CTNNA3: variants seen among roughly 807,000 people sequenced by gnomAD.
The protein encoded by CTNNA3 is catenin alpha 3.
CTNNA3 carries 76 observed loss-of-function variants against 95.7 expected under a neutral mutation model. The ratio of observed to expected loss-of-function variants is 0.79; its 90% CI spans 0.66 to 0.96. The LOEUF is 0.96. CTNNA3 is among the 40% of genes least tolerant of loss of function. The pLI is 0.00. For synonymous variants in CTNNA3, 431 were observed against 374.4 expected (o/e 1.15, Z -1.74); for missense variants, 1,191 against 1,089.8 (o/e 1.09, Z -1.31).
intron 7 of CTNNA3, chr10:67,097,566 T>C (rs771974446): frequency 4.4e-6 from 7 of 1,606,220 alleles, no homozygotes; most frequent in Non-Finnish European, 6.0e-6. Flanking sequence ...AACTGACTTT[T>C]CTCATGTCAT....
chr10:66,063,128 G>A (rs2080236929), intron 15 of CTNNA3, among the ~76,000 whole-genome samples: 1 of 150,824 alleles, frequency 6.6e-6, no homozygotes, highest in African/African-American at 2.4e-5. Context: ...TGTAGACCCA[G>A]TCATTTCAAT....
intron 7 of CTNNA3, among the ~76,000 whole-genome samples, chr10:67,031,581 T>A (rs1172207797): frequency 6.6e-6 from 1 of 152,184 alleles, no homozygotes; most frequent in Non-Finnish European, 1.5e-5. Context: ...GAGGACATAA[T>A]GTAACAGCAC....
At position 65,918,947 on chromosome 10, in the gene CTNNA3, C is replaced by A. The variant is rs1052188414; in HGVS notation, c.*1383G>T. On this transcript the variant is annotated 3_prime_UTR_variant, in exon 18 of 18. Coordinates refer to ENST00000433211, the MANE Select transcript of CTNNA3 (RefSeq NM_013266.4). ...TTTTCTCATCAATCTAAGGTTACATCGTTGCTGAGACGCCTCTCATCAATG... is the reference window on the plus strand; with the variant it reads ...TTTTCTCATCAATCTAAGGTTACATAGTTGCTGAGACGCCTCTCATCAATG... The A allele has an allele frequency of 1.3e-5, 2 of 152,030 alleles. No homozygotes were observed. The highest frequency in any genetic ancestry group is 2.9e-5 in the Non-Finnish European group (2 of 67,988). 9.4% of individuals were successfully genotyped at this position (152,030 alleles called of 1,614,324 possible). A position where few individuals can be genotyped will look rare whatever the true frequency, so the allele number is the denominator to read the frequency against.
chr10:67,416,565 G>T (rs1845551545), intron 5 of CTNNA3, among the ~76,000 whole-genome samples: 1 of 132,838 alleles, frequency 7.5e-6, no homozygotes, highest in African/African-American at 2.9e-5. Flanking sequence ...CCGAGATCGC[G>T]CCACTGCACT....
intron 6 of CTNNA3, among the ~76,000 whole-genome samples, chr10:67,183,463 C>G (rs1181786573): frequency 3.3e-5 from 5 of 151,782 alleles, no homozygotes; most frequent in Non-Finnish European, 5.9e-5. Flanking sequence ...ACCGCATGCT[C>G]TCACTCATAG....
chr10:67,753,960 C>G (rs1200819479), intron 1 of CTNNA3, among the ~76,000 whole-genome samples: 2 of 152,244 alleles, frequency 1.3e-5, no homozygotes, highest in Non-Finnish European at 2.9e-5. Flanking sequence ...AATCCCATTA[C>G]TGGGTATATA....
intron 7 of CTNNA3, among the ~76,000 whole-genome samples, chr10:67,083,936 C>A (rs1003453200): frequency 1.3e-4 from 20 of 151,988 alleles, no homozygotes; most frequent in African/African-American, 4.8e-4. Flanking sequence ...CTAATCAGTT[C>A]TCTATTAGGA....
chr10:66,110,360 TAAA>T (rs35402161), intron 13 of CTNNA3, among the ~76,000 whole-genome samples: 5 of 104,872 alleles, frequency 4.8e-5, no homozygotes, highest in Admixed American at 2.2e-4. Flanking sequence ...AGACTCTGTC[TAAA>T]AAAAAAAAAA....
chr10:66,186,004 T>C (rs1015620294), intron 13 of CTNNA3, among the ~76,000 whole-genome samples: 4 of 151,924 alleles, frequency 2.6e-5, no homozygotes, highest in Admixed American at 2.6e-4. Context: ...TATAAAAATA[T>C]ATATGTTCAA....
At chr10:66,944,110 G>C (rs1848160308) in intron 7 of CTNNA3, among the ~76,000 whole-genome samples, 1 of 152,160 alleles carries the variant, frequency 6.6e-6, no homozygotes, top group Non-Finnish European at 1.5e-5. Flanking sequence ...ATAGCATATG[G>C]TGTTGATTGA....
intron 5 of CTNNA3, among the ~76,000 whole-genome samples, chr10:67,375,063 T>C (rs1216810293): frequency 6.6e-6 from 1 of 152,210 alleles, no homozygotes; most frequent in Non-Finnish European, 1.5e-5. Context: ...ATGCTATTTA[T>C]TATCCTGCCC....
chr10:67,688,612 G>T (rs1322290869), intron 1 of CTNNA3, among the ~76,000 whole-genome samples: 1 of 152,134 alleles, frequency 6.6e-6, no homozygotes, highest in African/African-American at 2.4e-5. Context: ...CCATAGTGCA[G>T]AAAAAAGTTA....
intron 16 of CTNNA3, among the ~76,000 whole-genome samples, chr10:65,988,211 G>T (rs2078467500): frequency 6.6e-6 from 1 of 152,052 alleles, no homozygotes; most frequent in Non-Finnish European, 1.5e-5. Context: ...AATGATAGAT[G>T]TTTGAGGAAT....
chr10:67,763,110 T>C (rs960231935), intron 1 of CTNNA3, among the ~76,000 whole-genome samples: 4 of 152,076 alleles, frequency 2.6e-5, no homozygotes, highest in Non-Finnish European at 5.9e-5. Flanking sequence ...AAGGACAAGA[T>C]TTAAAAAACA....
chr10:66,561,630 A>C (rs2132135592), intron 10 of CTNNA3, among the ~76,000 whole-genome samples: 1 of 152,182 alleles, frequency 6.6e-6, no homozygotes, highest in Non-Finnish European at 1.5e-5. Context: ...CAAGAGAGGA[A>C]GTTAAAGGAC....
intron 5 of CTNNA3, among the ~76,000 whole-genome samples, chr10:67,504,023 G>A (rs1839331360): frequency 6.6e-6 from 1 of 151,150 alleles, no homozygotes; most frequent in Non-Finnish European, 1.5e-5. Flanking sequence ...TGGGCATGGT[G>A]GTGGGTGCCT....
At position 66,920,132 on chromosome 10, in the gene CTNNA3, C is replaced by T. The variant is rs543049457; in HGVS notation, c.1048-144608G>A. Among the ~76,000 whole-genome samples the T allele has an allele frequency of 9.9e-5, 15 of 152,228 alleles. No individual in the cohort carries two copies. In the East Asian group the frequency reaches 2.9e-3, roughly 29 times the overall value. On this transcript the variant is annotated intron_variant, in intron 7 of 17. Transcript: ENST00000433211. ...TTAATATATGCTCATGGCCACAGAACCTATACAGAATCAAGGGAAAATTAA... is the reference window on the plus strand; with the variant it reads ...TTAATATATGCTCATGGCCACAGAATCTATACAGAATCAAGGGAAAATTAA...
In CTNNA3 at chr10:67,534,328, T is replaced by C. The variant is rs575748756; in HGVS notation, c.459+5175A>G. Among the ~76,000 whole-genome samples, 42 of 152,226 alleles carry C rather than the reference T, an allele frequency of 2.8e-4. 1 individual carries two copies. In the South Asian group the frequency reaches 8.1e-3, roughly 29 times the overall value. On this transcript the variant is annotated intron_variant, in intron 4 of 17. Coordinates refer to ENST00000433211, the MANE Select transcript of CTNNA3 (RefSeq NM_013266.4). Reference sequence around the variant, plus strand: ...TTCTTAGGAAGGGCACTACCTATACTGAAGAAAATACCTTAAGGAGTAATT... The same window carrying C: ...TTCTTAGGAAGGGCACTACCTATACCGAAGAAAATACCTTAAGGAGTAATT...
chr10:67,567,211 T>C (rs1841836611), intron 3 of CTNNA3, among the ~76,000 whole-genome samples: 1 of 151,144 alleles, frequency 6.6e-6, no homozygotes, highest in Non-Finnish European at 1.5e-5. Context: ...AACAACTATA[T>C]TTCCAATAAA....
Sources: gnomAD v4.1 joint callset for allele counts (sites outside exome capture counted in the v4.1 genomes callset) on GRCh38, gnomAD v4.1.1 for gene constraint, MANE v1.5 for transcripts, NCBI Gene and HGNC (gene_info 2026-07-23, HGNC 2026-07-21) for gene names.